Variants in PKHD1 observed in about 807,000 individuals in gnomAD.
The protein encoded by PKHD1 is PKHD1 ciliary IPT domain containing fibrocystin/polyductin, also known as fibrocystin.
In PKHD1, 291 loss-of-function variants were observed where a neutral mutation model predicts 412.0. The ratio of observed to expected loss-of-function variants is 0.71; its 90% CI spans 0.64 to 0.78. The LOEUF (loss-of-function observed/expected upper bound fraction) is 0.78. PKHD1 is among the 30% of genes least tolerant of loss of function. The pLI, the probability that PKHD1 is intolerant of heterozygous loss-of-function variation, is 0.00. For missense variants in PKHD1, 4,825 were observed against 4,950.7 expected (o/e 0.97, Z 0.76); for synonymous variants, 1,777 against 1,821.5 (o/e 0.98, Z 0.62).
At chr6:51,948,954 G>C (rs991895512) in intron 36 of PKHD1, among the ~76,000 whole-genome samples, 1 of 152,118 alleles carries the variant, frequency 6.6e-6, no homozygotes, top group Non-Finnish European at 1.5e-5. Flanking sequence ...GAGAGAAAAG[G>C]TGCACAGCCA....
At position 51,982,618 on chromosome 6, in the gene PKHD1, C is replaced by G. The variant is rs980865192; in HGVS notation, c.5752-22592G>C. On this transcript the variant is annotated intron_variant, in intron 35 of 66. Coordinates refer to ENST00000371117, the MANE Select transcript of PKHD1 (RefSeq NM_138694.4). Reference sequence around the variant, plus strand: ...AACAGATGCTTGAAGGCAGCATGCTCGTCAAGAGTCATCACCACTCCCTAA... The same window carrying G: ...AACAGATGCTTGAAGGCAGCATGCTGGTCAAGAGTCATCACCACTCCCTAA... Among the ~76,000 whole-genome samples the G allele has an allele frequency of 3.4e-5, 5 of 148,136 alleles. 1 individual carries two copies. In the South Asian group the frequency reaches 6.6e-4, roughly 20 times the overall value.
chr6:51,668,879 C>A (rs1386448474), intron 60 of PKHD1, among the ~76,000 whole-genome samples: 1 of 152,246 alleles, frequency 6.6e-6, no homozygotes, highest in African/African-American at 2.4e-5. Flanking sequence ...ACCAGCCTTG[C>A]ATCCCAGGGA....
chr6:52,008,567 TTAAA>T (rs1170811123), intron 35 of PKHD1, among the ~76,000 whole-genome samples: 1 of 152,226 alleles, frequency 6.6e-6, no homozygotes, highest in Non-Finnish European at 1.5e-5. Flanking sequence ...TGATGGGAAA[TTAAA>T]TAAATCTAAG....
intron 50 of PKHD1, among the ~76,000 whole-genome samples, chr6:51,842,938 G>A (rs1054305569): frequency 2.0e-5 from 3 of 152,226 alleles, no homozygotes; most frequent in African/African-American, 7.2e-5. Context: ...AAGAACAAAT[G>A]AGGCATTATC....
At chr6:51,804,359 TGGGG>T (rs147210503) in intron 52 of PKHD1, among the ~76,000 whole-genome samples, 9 of 31,852 alleles carry the variant, frequency 2.8e-4, no homozygotes, top group Admixed American at 4.5e-4. Flanking sequence ...ACTAATTCAT[TGGGG>T]GGGGGGGGGG....
intron 49 of PKHD1, among the ~76,000 whole-genome samples, chr6:51,851,024 T>C (rs905694159): frequency 5.3e-5 from 8 of 152,042 alleles, no homozygotes; most frequent in South Asian, 2.1e-4. Flanking sequence ...ATGACATTTG[T>C]TGTGGGTTGG....
chr6:51,863,965 A>G (rs1774627349), intron 48 of PKHD1, among the ~76,000 whole-genome samples: 1 of 152,174 alleles, frequency 6.6e-6, no homozygotes, highest in Admixed American at 6.5e-5. Flanking sequence ...TGCCATTTAT[A>G]AGGACAGACG....
chr6:51,908,312 T>C (rs1438078665), intron 40 of PKHD1, among the ~76,000 whole-genome samples: 1 of 152,174 alleles, frequency 6.6e-6, no homozygotes, highest in Non-Finnish European at 1.5e-5. Context: ...GAAGGATTAC[T>C]CTGCAATTAC....
chr6:51,697,899 G>C (rs1032226237), intron 60 of PKHD1, among the ~76,000 whole-genome samples: 1 of 152,144 alleles, frequency 6.6e-6, no homozygotes, highest in Non-Finnish European at 1.5e-5. Flanking sequence ...TCATTAAGAA[G>C]TTGTAAACAC....
chr6:51,851,234 C>G (rs1772177391), intron 49 of PKHD1, among the ~76,000 whole-genome samples: 1 of 152,134 alleles, frequency 6.6e-6, no homozygotes, highest in South Asian at 2.1e-4. Flanking sequence ...GCCTTGCATC[C>G]CAGGGATGAA....
chr6:51,641,059 C>T (rs1769281780), intron 63 of PKHD1, among the ~76,000 whole-genome samples: 1 of 152,168 alleles, frequency 6.6e-6, no homozygotes, highest in African/African-American at 2.4e-5. Flanking sequence ...GCTTTTGGTG[C>T]ATTCTTTCTG....
At chr6:51,645,416 G>T (rs551496955) in intron 63 of PKHD1, among the ~76,000 whole-genome samples, 258 of 151,386 alleles carry the variant, frequency 1.7e-3, no homozygotes, top group Non-Finnish European at 2.0e-3. Flanking sequence ...TTCTTGAGAC[G>T]GAGTCTTGCT....
chr6:51,927,520 G>A (rs1202140068), intron 37 of PKHD1, among the ~76,000 whole-genome samples: 2 of 152,170 alleles, frequency 1.3e-5, no homozygotes, highest in Non-Finnish European at 2.9e-5. Flanking sequence ...CCATCAGCCT[G>A]GGTGAGCTAA....
At chr6:51,824,004 G>A (rs180884097) in intron 52 of PKHD1, among the ~76,000 whole-genome samples, 1 of 152,066 alleles carries the variant, frequency 6.6e-6, no homozygotes, top group Non-Finnish European at 1.5e-5. Context: ...TAAAACACTG[G>A]GTTGAAGCAT....
chr6:51,712,278 C>T (rs770474468), intron 60 of PKHD1, among the ~76,000 whole-genome samples: 12 of 152,058 alleles, frequency 7.9e-5, no homozygotes, highest in Non-Finnish European at 1.8e-4. Context: ...TTGGTAAGAG[C>T]CTTATCCCTC....
chr6:52,025,680 T>G lies in PKHD1; in HGVS notation c.4130A>C (p.Asn1377Thr), dbSNP rs773345692. ...AAATTGCTGGAGCACCACAGACATA[T>G]TAGCAAATCCCATCTGCTTCTGACG... ...QVRQKQMGFA[N>T]MSVVLQQFAV... The change falls in exon 32 of 67, where the codon AAT (asparagine) becomes ACT (threonine). Residue 1377 changes from asparagine to threonine, a missense_variant. Physicochemically the swap from Asn to Thr is moderately conservative, Grantham distance 65. Coordinates refer to ENST00000371117, the MANE Select transcript of PKHD1 (RefSeq NM_138694.4). 16 of 1,614,046 alleles carry G rather than the reference T, an allele frequency of 9.9e-6. No homozygotes were observed. The highest frequency in any genetic ancestry group is 1.6e-4 in the Middle Eastern group (1 of 6,084).
chr6:51,998,959 A>C (rs1347495367), intron 35 of PKHD1, among the ~76,000 whole-genome samples: 1 of 152,088 alleles, frequency 6.6e-6, no homozygotes, highest in African/African-American at 2.4e-5. Flanking sequence ...CCATCAGCTA[A>C]CTCCAGCCAA....
At chr6:51,909,253 T>C in intron 40 of PKHD1, 30 bp downstream of exon 40, 1 of 1,554,830 alleles carries the variant, frequency 6.4e-7, no homozygotes, top group Non-Finnish European at 8.9e-7. Context: ...GAAAGAAACA[T>C]GAGAAAGTCC....
intron 63 of PKHD1, among the ~76,000 whole-genome samples, chr6:51,642,930 T>C (rs991970698): frequency 1.3e-5 from 2 of 152,080 alleles, no homozygotes; most frequent in South Asian, 2.1e-4. Context: ...ATGTAAGGCA[T>C]GAGTATGGGT....
Sources: allele counts gnomAD v4.1 joint callset (sites outside exome capture counted in the v4.1 genomes callset), GRCh38; gene constraint gnomAD v4.1.1; transcripts MANE v1.5; gene names NCBI Gene and HGNC (gene_info 2026-07-23, HGNC 2026-07-21).